Variants in LPAR1 observed in about 807,000 individuals in gnomAD.
LPAR1 encodes the protein lysophosphatidic acid receptor 1.
Under a neutral mutation model 23.8 loss-of-function variants are expected in LPAR1, and 5 were observed. The observed-to-expected ratio is 0.21, with a 90% confidence interval of 0.11 to 0.44. The LOEUF (loss-of-function observed/expected upper bound fraction) is 0.44. LPAR1 is among the 20% of genes least tolerant of loss of function. The pLI is 0.99. For synonymous variants in LPAR1, 160 were observed against 164.7 expected (o/e 0.97, Z 0.22); for missense variants, 311 against 482.8 (o/e 0.64, Z 3.33).
chr9:111,031,089 A>G (rs1162515353), intron 2 of LPAR1, among the ~76,000 whole-genome samples: 1 of 152,160 alleles, frequency 6.6e-6, no homozygotes, highest in Non-Finnish European at 1.5e-5. Context: ...AGATTTTTAC[A>G]TTTACTTTAG....
chr9:110,978,644 G>C (rs1225411095), intron 2 of LPAR1, among the ~76,000 whole-genome samples: 1 of 152,122 alleles, frequency 6.6e-6, no homozygotes, highest in East Asian at 1.9e-4. Context: ...AGGCAGTTCA[G>C]AGCTGAAGCT....
chr9:111,024,544 G>GTATA (rs560466463), intron 2 of LPAR1, among the ~76,000 whole-genome samples: 5 of 108,076 alleles, frequency 4.6e-5, no homozygotes, highest in African/African-American at 1.6e-4. Flanking sequence ...GTGTGTGTGT[G>GTATA]TATATATATA....
chr9:111,032,111 A>G (rs1287341074), intron 2 of LPAR1, among the ~76,000 whole-genome samples: 1 of 152,208 alleles, frequency 6.6e-6, no homozygotes, highest in Non-Finnish European at 1.5e-5. Context: ...AATATAAAGG[A>G]TTAAGGAACA....
Position 110,919,249 on chromosome 9 carries a change from C to T in LPAR1, c.793+22172G>A, listed in dbSNP as rs149772290. ...CTCCCTCCCTCTCTCCCTCTGCCCA[C>T]CCCCTGCCTCCGCCCATTGCTGGCC... On this transcript the variant is annotated intron_variant, in intron 5 of 5. Coordinates refer to ENST00000683809, the MANE Select transcript of LPAR1 (RefSeq NM_001351411.2). Among the ~76,000 whole-genome samples, 12 of 152,218 alleles carry T rather than the reference C, an allele frequency of 7.9e-5. No individual in the cohort carries two copies. The Middle Eastern group carries it at 0.01, about 129-fold the overall frequency.
chr9:110,907,938 C>T (rs2091648734), intron 5 of LPAR1, among the ~76,000 whole-genome samples: 1 of 151,652 alleles, frequency 6.6e-6, no homozygotes, highest in South Asian at 2.1e-4. Context: ...CACACACACA[C>T]ACACACACAC....
chr9:110,876,089 T>A (rs2079028435), intron 5 of LPAR1, among the ~76,000 whole-genome samples: 1 of 152,200 alleles, frequency 6.6e-6, no homozygotes. Context: ...AGGCAAAAGA[T>A]AAGCACGAAT....
intron 2 of LPAR1, among the ~76,000 whole-genome samples, chr9:110,984,258 G>A (rs929069350): frequency 4.0e-5 from 6 of 151,236 alleles, no homozygotes; most frequent in East Asian, 1.9e-4. Context: ...CTAGCCCCTC[G>A]TAACTATCCT....
intron 5 of LPAR1, among the ~76,000 whole-genome samples, chr9:110,876,665 A>T (rs2079176575): frequency 6.6e-6 from 1 of 152,244 alleles, no homozygotes; most frequent in Non-Finnish European, 1.5e-5. Flanking sequence ...GAAAATGATA[A>T]CATTAAATAT....
At chr9:110,942,265 G>T in intron 4 of LPAR1, 97 bp from the exon 5 acceptor site, 1 of 1,056,936 alleles carries the variant, frequency 9.5e-7, no homozygotes. Context: ...ACATGCAACA[G>T]AAAAACAAAA....
chr9:111,013,695 G>A (rs1323485827), intron 2 of LPAR1, among the ~76,000 whole-genome samples: 1 of 152,118 alleles, frequency 6.6e-6, no homozygotes, highest in Non-Finnish European at 1.5e-5. Context: ...AAGAAAAAAA[G>A]GGTGATCAGG....
At chr9:110,999,444 C>T in intron 2 of LPAR1, 3 of 455,972 alleles carry the variant, frequency 6.6e-6, no homozygotes, top group South Asian at 4.7e-5. Flanking sequence ...GCAGCATCCC[C>T]ACACCATGCA....
rs191964358 is a variant in LPAR1 at position 111,034,867 on chromosome 9, A to G, written c.-182+1255T>C. On this transcript the variant is annotated intron_variant, in intron 2 of 5. Coordinates refer to ENST00000683809, the MANE Select transcript of LPAR1 (RefSeq NM_001351411.2). ...GTCCCTTCGTAACTTTCCAGCCTTC[A>G]TCACCCCACACTCTCACTTTGTCTT... 2.0e-4 allele frequency among the ~76,000 whole-genome samples: 30 copies of G among 152,190 alleles called. No homozygotes were observed. The East Asian group carries it at 3.9e-3, about 20-fold the overall frequency.
chr9:110,875,349 C>G lies in LPAR1; in HGVS notation c.*72G>C, dbSNP rs2078823670. The stretch of plus-strand genomic sequence containing the variant: ...CTCCTCTCTCACACCCCACCTTGCC[C>G]TGGCAATTGGGTAGGGGGAGGCTGT... On this transcript the variant is annotated 3_prime_UTR_variant, in exon 6 of 6. Coordinates refer to ENST00000683809, the MANE Select transcript of LPAR1 (RefSeq NM_001351411.2). 2 of 1,361,634 alleles carry G rather than the reference C, an allele frequency of 1.5e-6. No homozygotes were observed. The allele number at this position is 1,361,634 out of a possible 1,614,324, so 84.3% of individuals were successfully genotyped here.
chr9:111,017,714 A>G (rs2097482245), intron 2 of LPAR1, among the ~76,000 whole-genome samples: 1 of 152,196 alleles, frequency 6.6e-6, no homozygotes, highest in South Asian at 2.1e-4. Flanking sequence ...CAGTTGATGC[A>G]GTGTATACAG....
In LPAR1 at chr9:111,038,458, G is replaced by A. The variant is rs967365574; in HGVS notation, c.-553C>T. On this transcript the variant is annotated 5_prime_UTR_variant, in exon 1 of 6. Transcript: ENST00000683809. The surrounding 1 kb of genome is among the most constrained non-coding windows in gnomAD (Gnocchi z 4.4). ...GCCACTCAGGGAGCGTCAGCCGCCAGTCGGCCCCTACTGCCCGGCTTTGGC... is the reference window on the plus strand; with the variant it reads ...GCCACTCAGGGAGCGTCAGCCGCCAATCGGCCCCTACTGCCCGGCTTTGGC... The A allele has an allele frequency of 3.0e-6, 1 of 337,542 alleles. No individual in the cohort carries two copies. The highest frequency in any genetic ancestry group is 3.9e-5 in the Admixed American group (1 of 25,792). The allele number at this position is 337,542 out of a possible 1,614,324, so 20.9% of individuals were successfully genotyped here.
chr9:111,022,253 G>A (rs2097573824), intron 2 of LPAR1, among the ~76,000 whole-genome samples: 1 of 152,124 alleles, frequency 6.6e-6, no homozygotes, highest in Non-Finnish European at 1.5e-5. Context: ...AATAGGACTG[G>A]GAGAATGATT....
At position 110,878,703 on chromosome 9, in the gene LPAR1, A is replaced by G. The variant is rs577556889; in HGVS notation, c.794-2981T>C. Among the ~76,000 whole-genome samples the G allele has an allele frequency of 2.6e-5, 4 of 152,334 alleles. No individual in the cohort carries two copies. In the South Asian group the frequency reaches 8.3e-4, roughly 32 times the overall value. ...AGGATCAAACTGAGATACAACTTGT[A>G]AAAGCCCTCTATAAACTGTGCATCT... is the stretch of plus-strand genomic sequence containing the variant. On this transcript the variant is annotated intron_variant, in intron 5 of 5. Transcript: ENST00000683809.
chr9:110,889,764 T>C (rs901981371), intron 5 of LPAR1, among the ~76,000 whole-genome samples: 2 of 152,236 alleles, frequency 1.3e-5, no homozygotes, highest in African/African-American at 4.8e-5. Flanking sequence ...CTATTGGTTC[T>C]AGTAATACAA....
chr9:110,962,434 A>C (rs556062261), intron 4 of LPAR1, among the ~76,000 whole-genome samples: 1 of 152,082 alleles, frequency 6.6e-6, no homozygotes, highest in East Asian at 1.9e-4. Context: ...CCACTCCAAA[A>C]CCTTCCTATG....
Sources: gnomAD v4.1 joint callset for allele counts (sites outside exome capture counted in the v4.1 genomes callset) on GRCh38, gnomAD v4.1.1 for gene constraint, Gnocchi (gnomAD v3.1) non-coding constraint, MANE v1.5 for transcripts, NCBI Gene and HGNC (gene_info 2026-07-23, HGNC 2026-07-21) for gene names.